The following UNC93A variants were observed in gnomAD, a reference collection of about 807,000 sequenced individuals.
The protein encoded by UNC93A is unc-93 homolog A.
Under a neutral mutation model 47.5 loss-of-function variants are expected in UNC93A, and 43 were observed. The observed-to-expected ratio is 0.91, with a 90% CI of 0.71 to 1.17. The LOEUF is 1.17. Ranked by LOEUF, UNC93A falls within the 50% of genes most tolerant of loss-of-function variation. The probability of loss-of-function intolerance (pLI) is 0.00; values close to 1 mark genes in which losing one functional copy is unlikely to be tolerated. For missense variants in UNC93A, 605 were observed against 577.6 expected (o/e 1.05, Z -0.49); for synonymous variants, 280 against 258.0 (o/e 1.09, Z -0.82).
intron 1 of UNC93A, among the ~76,000 whole-genome samples, chr6:167,277,763 C>T (rs777636148): frequency 6.6e-6 from 1 of 152,062 alleles, no homozygotes; most frequent in Non-Finnish European, 1.5e-5. Flanking sequence ...ATCTCTGTCT[C>T]TCTGCCTCTT....
At chr6:167,309,801 A>G (rs1778508376) in intron 7 of UNC93A, among the ~76,000 whole-genome samples, 1 of 152,184 alleles carries the variant, frequency 6.6e-6, no homozygotes, top group Admixed American at 6.5e-5. Flanking sequence ...TGTTGGATTT[A>G]AGGAGCCGTG....
At position 167,301,276 on chromosome 6, in the gene UNC93A, G is replaced by A. The variant is rs963658045; in HGVS notation, c.626-2643G>A. 5.3e-5 allele frequency among the ~76,000 whole-genome samples: 8 copies of A among 152,308 alleles called. No homozygotes were observed. The East Asian group carries it at 1.3e-3, about 26-fold the overall frequency. On this transcript the variant is annotated intron_variant, in intron 4 of 7. Coordinates refer to ENST00000230256, the MANE Select transcript of UNC93A (RefSeq NM_018974.4). Reference sequence around the variant, plus strand: ...GCCCCATCTCGGTTCACGGAATCCCGCAGCCTAAGGGAGTCCAAGTCTAGA... The same window carrying A: ...GCCCCATCTCGGTTCACGGAATCCCACAGCCTAAGGGAGTCCAAGTCTAGA...
upstream of UNC93A, among the ~76,000 whole-genome samples, chr6:167,269,867 G>A (rs548990243): frequency 6.6e-5 from 10 of 152,080 alleles, no homozygotes; most frequent in South Asian, 1.0e-3. Flanking sequence ...CACCTGCCTC[G>A]GTCTCCCAAA....
intron 1 of UNC93A, among the ~76,000 whole-genome samples, chr6:167,274,641 G>A (rs1421890837): frequency 6.6e-6 from 1 of 152,164 alleles, no homozygotes; most frequent in African/African-American, 2.4e-5. Flanking sequence ...TCTAGATGAG[G>A]GTTCAAATCC....
chr6:167,273,193 C>T (rs1783479057), intron 1 of UNC93A, among the ~76,000 whole-genome samples: 1 of 152,194 alleles, frequency 6.6e-6, no homozygotes, highest in Non-Finnish European at 1.5e-5. Context: ...CCTTTTACTC[C>T]TTTCCTTCCC....
At chr6:167,303,898 G>A in intron 4 of UNC93A, 21 bp from the exon 5 acceptor site, 2 of 1,613,240 alleles carry the variant, frequency 1.2e-6, no homozygotes, top group Non-Finnish European at 1.7e-6. Flanking sequence ...GAAAGCTGAA[G>A]CCTTTGCTAT....
At chr6:167,271,853 G>A (rs868588427) in intron 1 of UNC93A, among the ~76,000 whole-genome samples, 4 of 152,162 alleles carry the variant, frequency 2.6e-5, no homozygotes, top group Non-Finnish European at 5.9e-5. Flanking sequence ...CAAGACAAAG[G>A]AAAAGACCTT....
intron 2 of UNC93A, among the ~76,000 whole-genome samples, chr6:167,295,292 C>T (rs779044767): frequency 1.3e-5 from 2 of 152,264 alleles, no homozygotes; most frequent in Non-Finnish European, 2.9e-5. Flanking sequence ...GCAAGTCCTT[C>T]TTCCCGGTAG....
intron 1 of UNC93A, among the ~76,000 whole-genome samples, chr6:167,284,585 G>T (rs2115091913): frequency 6.6e-6 from 1 of 152,410 alleles, no homozygotes; most frequent in African/African-American, 2.4e-5. Flanking sequence ...TTGCCCACTT[G>T]AGTAGATACT....
chr6:167,306,088 C>A (rs182356785), intron 6 of UNC93A, 38 bp downstream of exon 6: 3 of 1,609,664 alleles, frequency 1.9e-6, no homozygotes, highest in Admixed American at 3.3e-5. Context: ...GCTGTCATAA[C>A]GATTTGCAGT....
At position 167,304,027 on chromosome 6, in the gene UNC93A, T is replaced by G. The variant is rs756085175; in HGVS notation, c.734T>G (p.Leu245Ter). Residue 245 changes from leucine to a stop codon, truncating the protein, a stop_gained, in exon 5 of 8, where the codon TTA becomes TGA. Transcript: ENST00000230256. LOFTEE classifies it high-confidence loss of function. ...EKKSVPFWST[L>*]LSTFKLYRDK... ...AAATCAGTACCTTTCTGGTCCACTT[T>G]ACTGTCGACTTTCAAGCTATATAGA... 14 of 1,614,014 alleles carry G rather than the reference T, an allele frequency of 8.7e-6. No homozygotes were observed. The South Asian group carries it at 1.4e-4, about 16-fold the overall frequency.
In UNC93A at chr6:167,291,427, G is replaced by T. The variant is rs756844170; in HGVS notation, c.-63G>T. The T allele has an allele frequency of 1.5e-4, 212 of 1,450,432 alleles. 1 individual carries two copies. The highest frequency in any genetic ancestry group is 1.9e-4 in the Non-Finnish European group (195 of 1,044,524). The allele number at this position is 1,450,432 out of a possible 1,614,324, so 89.8% of individuals were successfully genotyped here. A position where few individuals can be genotyped will look rare whatever the true frequency, so the allele number is the denominator to read the frequency against. ...TGATTGTTTTTCCCATGCCTCAATT[G>T]GTTTCTTTTAGGGAGCTACAAATTT... On this transcript the variant is annotated 5_prime_UTR_variant, in exon 1 of 8. Transcript: ENST00000230256.
intron 6 of UNC93A, among the ~76,000 whole-genome samples, chr6:167,306,623 G>C (rs934216600): frequency 3.3e-5 from 5 of 152,242 alleles, no homozygotes; most frequent in African/African-American, 1.2e-4. Flanking sequence ...AGGCAGGGCT[G>C]GGTGTGGGGG....
intron 1 of UNC93A, among the ~76,000 whole-genome samples, chr6:167,281,223 A>T (rs1265054892): frequency 1.3e-5 from 2 of 151,160 alleles, no homozygotes; most frequent in East Asian, 3.9e-4. Flanking sequence ...CCCCAGGGGG[A>T]CAGCCCACCA....
At chr6:167,279,606 T>C (rs1011721956) in intron 1 of UNC93A, among the ~76,000 whole-genome samples, 9 of 152,222 alleles carry the variant, frequency 5.9e-5, no homozygotes, top group Non-Finnish European at 1.3e-4. Context: ...TTTTATTCCA[T>C]GTGAGTGAGA....
chr6:167,275,252 C>T (rs755432287), intron 1 of UNC93A, among the ~76,000 whole-genome samples: 13 of 152,224 alleles, frequency 8.5e-5, no homozygotes, highest in Admixed American at 1.3e-4. Flanking sequence ...CATTCTGCCA[C>T]GTCCTCCTCT....
intron 5 of UNC93A, among the ~76,000 whole-genome samples, chr6:167,305,565 T>C (rs1042970064): frequency 1.3e-5 from 2 of 152,062 alleles, no homozygotes; most frequent in Non-Finnish European, 1.5e-5. Context: ...TCTGTTTTTT[T>C]TTTAACTCTC....
intron 2 of UNC93A, among the ~76,000 whole-genome samples, chr6:167,295,295 C>T (rs528131464): frequency 1.3e-5 from 2 of 152,372 alleles, no homozygotes; most frequent in Admixed American, 6.5e-5. Flanking sequence ...AGTCCTTCTT[C>T]CCGGTAGCTG....
chr6:167,285,937 T>TC lies in UNC93A; in HGVS notation c.-51-5502_-51-5501insC, dbSNP rs1491525633. 5.1e-3 allele frequency among the ~76,000 whole-genome samples: 611 copies of TC among 119,476 alleles called. 6 individuals carry two copies. Among genetic ancestry groups the TC allele is most frequent in the Non-Finnish European group, 8.2e-3 (467 of 56,686 alleles). 78.4% of individuals were successfully genotyped at this position (119,476 alleles called of 152,430 possible). Reference sequence around the variant, plus strand: ...TATGTCCAGTGAAGAGTTAGTTTTCTTTCTCTCTCTCTCTCTCTCTCTCTA... The same window carrying TC: ...TATGTCCAGTGAAGAGTTAGTTTTCTCTTCTCTCTCTCTCTCTCTCTCTCTA... On this transcript the variant is annotated intron_variant, in intron 1 of 3. Transcript: ENST00000503433.
Sources: gnomAD v4.1 joint callset for allele counts (sites outside exome capture counted in the v4.1 genomes callset) on GRCh38, gnomAD v4.1.1 for gene constraint, MANE v1.5 for transcripts, NCBI Gene and HGNC (gene_info 2026-07-23, HGNC 2026-07-21) for gene names.